The following LARP1B variants were observed in gnomAD, a reference collection of about 807,000 sequenced individuals.
LARP1B encodes la-related protein 1B.
LARP1B carries 76 observed loss-of-function variants against 114.2 expected under a neutral mutation model. The observed-to-expected ratio is 0.67, with a 90% CI of 0.55 to 0.81. The LOEUF (loss-of-function observed/expected upper bound fraction) is 0.81. Ranked by LOEUF, LARP1B falls within the 30% of genes least tolerant of loss-of-function variation. The pLI, the probability that LARP1B is intolerant of heterozygous loss-of-function variation, is 0.00. For synonymous variants in LARP1B, 345 were observed against 348.0 expected (o/e 0.99, Z 0.10); for missense variants, 1,014 against 1,075.8 (o/e 0.94, Z 0.80).
chr4:128,094,332 C>T (rs1031039302), intron 7 of LARP1B, among the ~76,000 whole-genome samples: 18 of 151,320 alleles, frequency 1.2e-4, no homozygotes, highest in Non-Finnish European at 2.4e-4. Flanking sequence ...TCTCTTGGCA[C>T]TCAGATGACA....
rs985767124 is a variant in LARP1B at position 128,110,493 on chromosome 4, C to T, written c.988+3180C>T. On this transcript the variant is annotated intron_variant, in intron 9 of 19. Transcript: ENST00000326639. ...TCGAGACCATCCCGGCTAAAAAAAA[C>T]GGTGAAACCCCGTCTCTACTAAAAA... Among the ~76,000 whole-genome samples the T allele has an allele frequency of 8.7e-5, 13 of 149,050 alleles. No individual in the cohort carries two copies. The East Asian group carries it at 1.0e-3, about 11-fold the overall frequency.
At chr4:128,068,577 A>G (rs1763973637) in intron 1 of LARP1B, among the ~76,000 whole-genome samples, 1 of 151,642 alleles carries the variant, frequency 6.6e-6, no homozygotes, top group African/African-American at 2.4e-5. Flanking sequence ...AACTCAAGCT[A>G]TTTTTATTTT....
chr4:128,106,274 G>A (rs528947653), intron 8 of LARP1B, among the ~76,000 whole-genome samples: 8 of 152,144 alleles, frequency 5.3e-5, no homozygotes, highest in East Asian at 3.9e-4. Context: ...CACCCGCCCC[G>A]GTCTCCCAAA....
chr4:128,205,359 T>A (rs900382379), intron 17 of LARP1B, among the ~76,000 whole-genome samples: 1 of 152,186 alleles, frequency 6.6e-6, no homozygotes, highest in African/African-American at 2.4e-5. Context: ...GTGGTATCTT[T>A]TAGTTGAGTC....
In LARP1B at chr4:128,089,397, G is replaced by A. The variant is rs532411652; in HGVS notation, c.359-1604G>A. On this transcript the variant is annotated intron_variant, in intron 5 of 19. Coordinates refer to ENST00000326639, the MANE Select transcript of LARP1B (RefSeq NM_018078.4). ...GTTACCTAGGCTAGAGTGCAGTGGC[G>A]AGGTCTCGGCTCACTGCAACCTCTG... 3.3e-5 allele frequency among the ~76,000 whole-genome samples: 5 copies of A among 152,016 alleles called. No individual in the cohort carries two copies. In the South Asian group the frequency reaches 6.2e-4, roughly 19 times the overall value.
Position 128,107,326 on chromosome 4 carries a change from C to T in LARP1B, c.988+13C>T, listed in dbSNP as rs749308509. On this transcript the variant is annotated intron_variant, in intron 9 of 19. Coordinates refer to ENST00000326639, the MANE Select transcript of LARP1B (RefSeq NM_018078.4). ...TGCTCACATACAGGTAACATCTTTT[C>T]TTCTAGAGCAAACGATGTAACAGTG... 4 of 1,613,324 alleles carry T rather than the reference C, an allele frequency of 2.5e-6. No individual in the cohort carries two copies. The highest frequency in any genetic ancestry group is 1.1e-5 in the South Asian group (1 of 90,986).
intron 15 of LARP1B, among the ~76,000 whole-genome samples, chr4:128,198,760 A>G (rs1755045174): frequency 6.6e-6 from 1 of 152,248 alleles, no homozygotes; most frequent in Admixed American, 6.5e-5. Context: ...CTTTGGTGGC[A>G]GGATAGAGAA....
intron 11 of LARP1B, among the ~76,000 whole-genome samples, chr4:128,146,603 C>G (rs1206541292): frequency 6.6e-6 from 1 of 151,986 alleles, no homozygotes; most frequent in African/African-American, 2.4e-5. Context: ...ATCGGTCTTG[C>G]TAAGGTCAAT....
intron 15 of LARP1B, among the ~76,000 whole-genome samples, chr4:128,185,900 T>C (rs926862983): frequency 6.6e-6 from 1 of 152,156 alleles, no homozygotes; most frequent in Non-Finnish European, 1.5e-5. Flanking sequence ...ATTATGGTTA[T>C]CTAGTTTTCT....
chr4:128,205,201 G>A (rs934646887), intron 17 of LARP1B, among the ~76,000 whole-genome samples: 4 of 152,200 alleles, frequency 2.6e-5, no homozygotes, highest in African/African-American at 9.7e-5. Context: ...TTGTAAATAA[G>A]CTGGTTGCAA....
chr4:128,092,022 T>G (rs533020988), intron 7 of LARP1B, among the ~76,000 whole-genome samples: 1 of 152,338 alleles, frequency 6.6e-6, no homozygotes, highest in African/African-American at 2.4e-5. Flanking sequence ...TGGTTTATGT[T>G]GTTTATATAA....
In LARP1B at chr4:128,210,141, A is replaced by G. The variant is rs941678066; in HGVS notation, c.*88A>G. The G allele has an allele frequency of 7.3e-5, 116 of 1,590,166 alleles. No homozygotes were observed. The highest frequency in any genetic ancestry group is 9.2e-5 in the Non-Finnish European group (107 of 1,166,132). ...TGAAAGTTCTTTGTCCTTGAAGTCAACATTTACATCAGTATTTATTTGGGG... is the reference window on the plus strand; with the variant it reads ...TGAAAGTTCTTTGTCCTTGAAGTCAGCATTTACATCAGTATTTATTTGGGG... On this transcript the variant is annotated 3_prime_UTR_variant, in exon 20 of 20. Transcript: ENST00000326639.
At chr4:128,108,314 T>G in intron 9 of LARP1B, 2 of 1,015,524 alleles carry the variant, frequency 2.0e-6, no homozygotes, top group Non-Finnish European at 2.4e-6. Context: ...ATTTCCCAGA[T>G]TCTTAAGTAC....
chr4:128,086,500 G>C (rs1773615267), intron 5 of LARP1B, among the ~76,000 whole-genome samples: 1 of 151,886 alleles, frequency 6.6e-6, no homozygotes, highest in African/African-American at 2.4e-5. Flanking sequence ...GGCTAATTTT[G>C]TATTTTTTTG....
chr4:128,182,785 A>G (rs185635760), intron 15 of LARP1B, among the ~76,000 whole-genome samples: 13 of 152,356 alleles, frequency 8.5e-5, no homozygotes, highest in East Asian at 3.9e-4. Flanking sequence ...TATGAAGGCA[A>G]AGTTTTTGAG....
At chr4:128,188,072 G>A (rs1274177119) in intron 15 of LARP1B, among the ~76,000 whole-genome samples, 2 of 150,728 alleles carry the variant, frequency 1.3e-5, no homozygotes, top group Non-Finnish European at 2.9e-5. Flanking sequence ...ACCCAGTCTC[G>A]GGTATTTTTT....
intron 15 of LARP1B, among the ~76,000 whole-genome samples, chr4:128,199,072 A>G (rs1449362544): frequency 6.6e-6 from 1 of 152,178 alleles, no homozygotes; most frequent in African/African-American, 2.4e-5. Flanking sequence ...CCATGTATTC[A>G]ATTTACATCA....
intron 12 of LARP1B, among the ~76,000 whole-genome samples, chr4:128,170,544 A>G (rs1743099959): frequency 6.6e-6 from 1 of 152,152 alleles, no homozygotes; most frequent in Admixed American, 6.5e-5. Context: ...CCATTGGTAT[A>G]TTGTGTCATC....
intron 19 of LARP1B, among the ~76,000 whole-genome samples, chr4:128,208,850 A>T (rs1000764792): frequency 3.9e-5 from 6 of 152,200 alleles, no homozygotes; most frequent in Non-Finnish European, 7.4e-5. Context: ...TTCTAGATAA[A>T]CCTTCAAACT....
Sources: allele counts gnomAD v4.1 joint callset (sites outside exome capture counted in the v4.1 genomes callset), GRCh38; gene constraint gnomAD v4.1.1; transcripts MANE v1.5; gene names NCBI Gene and HGNC (gene_info 2026-07-23, HGNC 2026-07-21).